The following RAB4B variants were observed in gnomAD, a reference collection of about 807,000 sequenced individuals.
The protein encoded by RAB4B is ras-related protein Rab-4B.
Under a neutral mutation model 28.3 loss-of-function variants are expected in RAB4B, and 15 were observed. The observed-to-expected ratio is 0.53, with a 90% CI of 0.35 to 0.82. The LOEUF (loss-of-function observed/expected upper bound fraction) is 0.82, where lower values mean the gene tolerates loss of function less well. Among genes scored for constraint, RAB4B ranks in the 40% least tolerant of loss-of-function variants. The probability of loss-of-function intolerance (pLI) is 0.01; values close to 1 mark genes in which losing one functional copy is unlikely to be tolerated. For synonymous variants in RAB4B, 108 were observed against 116.3 expected (o/e 0.93, Z 0.46); for missense variants, 244 against 288.5 (o/e 0.85, Z 1.12).
chr19:40,787,109 A>C, intron 7 of RAB4B, 131 bp downstream of exon 7: 6 of 880,920 alleles, frequency 6.8e-6, no homozygotes, highest in Non-Finnish European at 1.0e-5. Context: ...ACACAAGCTA[A>C]AGGAGGCATC....
chr19:40,793,073 G>A (rs983011844), intron 7 of RAB4B, among the ~76,000 whole-genome samples: 3 of 151,994 alleles, frequency 2.0e-5, no homozygotes, highest in African/African-American at 7.2e-5. Context: ...CACTGCGCCC[G>A]GCCTCAGAAC....
chr19:40,779,975 TTCTC>T (rs1294378364), intron 1 of RAB4B, 40 bp from the exon 2 acceptor site: 1 of 1,609,672 alleles, frequency 6.2e-7, no homozygotes, highest in Non-Finnish European at 8.5e-7. Flanking sequence ...CCCTGTATCT[TTCTC>T]TCCCTGTGGG....
At chr19:40,779,770 A>T (rs918859516) in intron 1 of RAB4B, 4 of 936,584 alleles carry the variant, frequency 4.3e-6, no homozygotes, top group Non-Finnish European at 5.7e-6. Flanking sequence ...ACGACAAAAA[A>T]ACCCCTGCAC....
intron 3 of RAB4B, among the ~76,000 whole-genome samples, chr19:40,782,742 G>T (rs914138380): frequency 2.0e-5 from 3 of 152,086 alleles, no homozygotes; most frequent in African/African-American, 7.2e-5. Context: ...GCATCCGGGG[G>T]GCAAAGGTTG....
intron 7 of RAB4B, chr19:40,792,206 T>C (rs1238936466): frequency 1.3e-5 from 2 of 152,242 alleles, no homozygotes; most frequent in Admixed American, 6.5e-5. Context: ...AGTGCTCTCT[T>C]GTCTTTCCAG....
At chr19:40,780,909 A>T (rs2083040509) in intron 3 of RAB4B, among the ~76,000 whole-genome samples, 1 of 151,908 alleles carries the variant, frequency 6.6e-6, no homozygotes. Flanking sequence ...AGAAGGGGAA[A>T]CTTGAGAGAC....
rs552386617 is a variant in RAB4B, at chr19:40,786,561, G to C, written c.431-104G>C. ...CGCAGAGGCCTGAGGTGAGGGTAAGGGGGGATGGAACATTGGAGGAACAGG... is the reference window on the plus strand; with the variant it reads ...CGCAGAGGCCTGAGGTGAGGGTAAGCGGGGATGGAACATTGGAGGAACAGG... On this transcript the variant is annotated intron_variant, in intron 5 of 7. Coordinates refer to ENST00000357052, the MANE Select transcript of RAB4B (RefSeq NM_016154.5). The C allele has an allele frequency of 2.6e-5, 40 of 1,537,020 alleles. No individual in the cohort carries two copies. In the South Asian group the frequency reaches 3.8e-4, roughly 15 times the overall value.
intron 7 of RAB4B, among the ~76,000 whole-genome samples, chr19:40,795,527 G>A (rs1301289974): frequency 1.3e-5 from 2 of 151,740 alleles, no homozygotes; most frequent in African/African-American, 4.8e-5. Flanking sequence ...AGCCTCCCAA[G>A]TAGCTGGGAC....
chr19:40,780,464 A>C lies in RAB4B; in HGVS notation c.177A>C (p.Leu59=). The C allele has an allele frequency of 6.2e-7, 1 of 1,613,774 alleles. No individual in the cohort carries two copies. The highest frequency in any genetic ancestry group is 1.1e-5 in the South Asian group (1 of 91,038). ...ACGTGGGTGGGAAGACTGTGAAGCT[A>C]CAGATTTGGGACACGGCTGGCCAGG... is the stretch of plus-strand genomic sequence containing the variant. ...VVNVGGKTVK[L]QIWDTAGQER... is the part of the protein sequence containing the mutation. Residue 59 remains leucine (L), a synonymous_variant, in exon 3 of 8, where the codon CTA becomes CTC. Transcript: ENST00000357052.
At position 40,780,464 on chromosome 19, in the gene RAB4B, A is replaced by G. The variant is rs1402141114; in HGVS notation, c.177A>G (p.Leu59=). 2.5e-6 allele frequency: 4 copies of G among 1,613,774 alleles called. No individual in the cohort carries two copies. The highest frequency in any genetic ancestry group is 3.4e-6 in the Non-Finnish European group (4 of 1,179,910). The part of the protein sequence containing the change: ...VVNVGGKTVK[L]QIWDTAGQER... ...ACGTGGGTGGGAAGACTGTGAAGCT[A>G]CAGATTTGGGACACGGCTGGCCAGG... is the stretch of plus-strand genomic sequence containing the variant. The change falls in exon 3 of 8, where the codon CTA becomes CTG. Residue 59 remains leucine (L), a synonymous_variant. Transcript: ENST00000357052.
chr19:40,780,508 G>A lies in RAB4B; in HGVS notation c.212+9G>A. On this transcript the variant is annotated intron_variant, in intron 3 of 7. Transcript: ENST00000357052. ...GGCCAGGAGCGGTTTCGGTAGGTGG[G>A]CTGGGCTCCCAAGGGTGATGGGGAG... 6.2e-7 allele frequency: 1 copy of A among 1,609,648 alleles called. No individual in the cohort carries two copies.
intron 5 of RAB4B, among the ~76,000 whole-genome samples, chr19:40,784,719 G>A (rs2083082493): frequency 6.6e-6 from 1 of 152,108 alleles, no homozygotes; most frequent in South Asian, 2.1e-4. Flanking sequence ...CCGTCAGGAG[G>A]CCGCACAGGG....
At chr19:40,780,600 A>G in intron 3 of RAB4B, 101 bp downstream of exon 3, 1 of 935,316 alleles carries the variant, frequency 1.1e-6, no homozygotes. Flanking sequence ...AGGGCAGACA[A>G]GGCAGACAGA....
rs546060673 is a variant in RAB4B at position 40,787,029 on chromosome 19, G to T, written c.*15+51G>T. On this transcript the variant is annotated intron_variant, in intron 7 of 7. Transcript: ENST00000357052. Reference sequence around the variant, plus strand: ...GCAGGGCGGCCTCTTGGGCATGGGGGAGATGGTGTGGAGATAGACACTGAA... The same window carrying T: ...GCAGGGCGGCCTCTTGGGCATGGGGTAGATGGTGTGGAGATAGACACTGAA... 2.0e-5 allele frequency: 29 copies of T among 1,450,252 alleles called. No homozygotes were observed. In the East Asian group the frequency reaches 5.1e-4, roughly 26 times the overall value. The allele number at this position is 1,450,252 out of a possible 1,614,324, so 89.8% of individuals were successfully genotyped here. A position where few individuals can be genotyped will look rare whatever the true frequency, so the allele number is the denominator to read the frequency against.
intron 3 of RAB4B, among the ~76,000 whole-genome samples, chr19:40,783,241 C>T (rs879450295): frequency 1.3e-5 from 2 of 151,068 alleles, no homozygotes; most frequent in African/African-American, 4.9e-5. Context: ...AGACCAGCCT[C>T]GGCAACCTAG....
chr19:40,787,752 A>C (rs2083115233), intron 7 of RAB4B, among the ~76,000 whole-genome samples: 1 of 151,248 alleles, frequency 6.6e-6, no homozygotes, highest in Admixed American at 6.6e-5. Context: ...ACATAAGGTC[A>C]GGAGTTCTAG....
Position 40,783,852 on chromosome 19 carries a change from G to C in RAB4B, c.275+12G>C, listed in dbSNP as rs768332747. 1 of 1,573,554 alleles carries C rather than the reference G, an allele frequency of 6.4e-7. No homozygotes were observed. The highest frequency in any genetic ancestry group is 8.7e-7 in the Non-Finnish European group (1 of 1,155,274). On this transcript the variant is annotated intron_variant, in intron 4 of 7. Coordinates refer to ENST00000357052, the MANE Select transcript of RAB4B (RefSeq NM_016154.5). ...TACGACATCACCAGGTGGGTGCCCG[G>C]GGTGGGTGGGGTAGGGCATGGGTGG... is the stretch of plus-strand genomic sequence containing the variant.
At chr19:40,780,146 G>T (rs772728718) in intron 2 of RAB4B, 47 bp downstream of exon 2, 2 of 1,606,528 alleles carry the variant, frequency 1.2e-6, no homozygotes, top group South Asian at 1.1e-5. Flanking sequence ...GTGTTTATGC[G>T]CATGGTGTGG....
intron 3 of RAB4B, among the ~76,000 whole-genome samples, chr19:40,780,964 A>T (rs1325376225): frequency 6.6e-6 from 1 of 151,724 alleles, no homozygotes; most frequent in Non-Finnish European, 1.5e-5. Context: ...AGACTAAGAG[A>T]GTTGAAGAGA....
Sources: gnomAD v4.1 joint callset for allele counts (sites outside exome capture counted in the v4.1 genomes callset) on GRCh38, gnomAD v4.1.1 for gene constraint, MANE v1.5 for transcripts, NCBI Gene and HGNC (gene_info 2026-07-23, HGNC 2026-07-21) for gene names.